CDK14: variants seen among roughly 807,000 people sequenced by gnomAD.
CDK14 encodes cyclin-dependent kinase 14.
Under a neutral mutation model 60.7 loss-of-function variants are expected in CDK14, and 34 were observed. That is an observed-to-expected ratio of 0.56 (90% CI 0.43 to 0.75). The LOEUF (loss-of-function observed/expected upper bound fraction) is 0.75. Ranked by LOEUF, CDK14 falls within the 30% of genes least tolerant of loss-of-function variation. CDK14 has a pLI of 0.00. For missense variants in CDK14, 482 were observed against 564.1 expected (o/e 0.85, Z 1.47); for synonymous variants, 197 against 203.7 (o/e 0.97, Z 0.28).
intron 5 of CDK14, among the ~76,000 whole-genome samples, chr7:90,823,909 C>T (rs1272145829): frequency 6.6e-6 from 1 of 152,130 alleles, no homozygotes; most frequent in Non-Finnish European, 1.5e-5. Context: ...ATAGTAGGCA[C>T]TTTTCATATT....
chr7:91,168,260 CAAAA>C (rs35827575), intron 14 of CDK14, among the ~76,000 whole-genome samples: 2 of 123,744 alleles, frequency 1.6e-5, no homozygotes, highest in African/African-American at 2.8e-5. Context: ...GACTCTGTCT[CAAAA>C]AAAAAAAAAA....
intron 5 of CDK14, among the ~76,000 whole-genome samples, chr7:90,859,352 C>T (rs533096428): frequency 6.6e-6 from 1 of 152,322 alleles, no homozygotes; most frequent in Admixed American, 6.5e-5. Flanking sequence ...GTTCTGATAA[C>T]ACGAGTTCAC....
intron 9 of CDK14, among the ~76,000 whole-genome samples, chr7:90,975,777 G>A (rs1795052924): frequency 6.6e-6 from 1 of 152,026 alleles, no homozygotes; most frequent in South Asian, 2.1e-4. Context: ...GTATATGAGT[G>A]AGAACATGCG....
chr7:91,052,023 T>C (rs892664425), intron 11 of CDK14, among the ~76,000 whole-genome samples: 3 of 152,194 alleles, frequency 2.0e-5, no homozygotes, highest in African/African-American at 7.2e-5. Context: ...CGTAGACATT[T>C]GAGGTTCTCC....
intron 5 of CDK14, among the ~76,000 whole-genome samples, chr7:90,855,367 C>T (rs1790787334): frequency 6.6e-6 from 1 of 152,118 alleles, no homozygotes; most frequent in South Asian, 2.1e-4. Context: ...TGTATAAACA[C>T]CTGTATGCTT....
At chr7:90,796,368 A>T (rs750348276) in intron 5 of CDK14, among the ~76,000 whole-genome samples, 1 of 152,196 alleles carries the variant, frequency 6.6e-6, no homozygotes, top group South Asian at 2.1e-4. Context: ...ATAATATTCT[A>T]TAGAAAGAGA....
chr7:91,115,363 C>T (rs1038598309), intron 13 of CDK14, among the ~76,000 whole-genome samples: 2 of 152,242 alleles, frequency 1.3e-5, no homozygotes, highest in East Asian at 3.9e-4. Flanking sequence ...TGTGTCTTCA[C>T]AGGGTGGAGA....
At chr7:91,036,303 C>T (rs1254522560) in intron 10 of CDK14, among the ~76,000 whole-genome samples, 1 of 152,194 alleles carries the variant, frequency 6.6e-6, no homozygotes. Context: ...AAGCCACCCC[C>T]AGTTCCTTGC....
intron 2 of CDK14, among the ~76,000 whole-genome samples, chr7:90,634,762 G>A (rs1209907942): frequency 6.6e-6 from 1 of 151,914 alleles, no homozygotes; most frequent in Admixed American, 6.6e-5. Context: ...GTGTAAAAGT[G>A]TTCCTATTTG....
intron 2 of CDK14, chr7:90,692,683 A>G: frequency 2.3e-5 from 22 of 977,270 alleles, no homozygotes; most frequent in Non-Finnish European, 2.6e-5. Flanking sequence ...TTCCTGCCCC[A>G]GGACTAGGGG....
intron 2 of CDK14, among the ~76,000 whole-genome samples, chr7:90,614,594 TTC>T: frequency 1.3e-5 from 2 of 152,108 alleles, no homozygotes; most frequent in South Asian, 4.1e-4. Flanking sequence ...TTTCTTAAAT[TTC>T]TTTTTAAAAT....
intron 5 of CDK14, among the ~76,000 whole-genome samples, chr7:90,841,591 CT>C (rs1790291407): frequency 6.6e-6 from 1 of 151,618 alleles, no homozygotes; most frequent in African/African-American, 2.4e-5. Flanking sequence ...CGAAGCAGCA[CT>C]TACCTACAGC....
At chr7:90,814,722 G>A (rs1789280250) in intron 5 of CDK14, among the ~76,000 whole-genome samples, 1 of 152,218 alleles carries the variant, frequency 6.6e-6, no homozygotes, top group Non-Finnish European at 1.5e-5. Flanking sequence ...GTTGCAGTGA[G>A]CCGAGATTGT....
intron 14 of CDK14, among the ~76,000 whole-genome samples, chr7:91,122,484 T>C (rs1183834522): frequency 6.6e-6 from 1 of 152,170 alleles, no homozygotes; most frequent in African/African-American, 2.4e-5. Flanking sequence ...AGTAGAATGG[T>C]GGTTCTTACT....
intron 10 of CDK14, among the ~76,000 whole-genome samples, chr7:91,041,961 C>T (rs1431698571): frequency 6.6e-5 from 10 of 152,134 alleles, no homozygotes; most frequent in African/African-American, 1.9e-4. Flanking sequence ...GACCACAATG[C>T]GTAGACAGAT....
At chr7:91,101,731 A>G (rs1799150846) in intron 12 of CDK14, among the ~76,000 whole-genome samples, 1 of 152,148 alleles carries the variant, frequency 6.6e-6, no homozygotes, top group Non-Finnish European at 1.5e-5. Flanking sequence ...ACAGGGCTGA[A>G]TCTTTTCTTC....
chr7:90,864,492 A>G (rs1791110854), intron 6 of CDK14, among the ~76,000 whole-genome samples: 1 of 152,120 alleles, frequency 6.6e-6, no homozygotes, highest in Non-Finnish European at 1.5e-5. Context: ...TTTCTTTACT[A>G]TGCTTGACTT....
intron 9 of CDK14, among the ~76,000 whole-genome samples, chr7:90,966,621 A>G (rs1231992195): frequency 6.6e-6 from 1 of 151,860 alleles, no homozygotes; most frequent in Admixed American, 6.6e-5. Context: ...TGCAACTTTT[A>G]TCTTCAATTT....
chr7:91,169,509 G>A (rs529319430), intron 14 of CDK14, among the ~76,000 whole-genome samples: 3 of 150,796 alleles, frequency 2.0e-5, no homozygotes, highest in Non-Finnish European at 4.5e-5. Context: ...TTTTACAGCT[G>A]AAGATCTAAA....
Sources: gnomAD v4.1 joint callset for allele counts (sites outside exome capture counted in the v4.1 genomes callset) on GRCh38, gnomAD v4.1.1 for gene constraint, MANE v1.5 for transcripts, NCBI Gene and HGNC (gene_info 2026-07-23, HGNC 2026-07-21) for gene names.